The following IP6K1 variants were observed in gnomAD, a reference collection of about 807,000 sequenced individuals.
IP6K1 encodes the protein ATP:1D-myo-inositol-hexakisphosphate phosphotransferase.
In IP6K1, 13 loss-of-function variants were observed where a neutral mutation model predicts 38.3. The ratio of observed to expected loss-of-function variants is 0.34; its 90% confidence interval spans 0.22 to 0.54. The LOEUF (loss-of-function observed/expected upper bound fraction) is 0.54. IP6K1 is among the 20% of genes least tolerant of loss of function. IP6K1 has a pLI of 0.92. For missense variants in IP6K1, 397 were observed against 599.8 expected (o/e 0.66, Z 3.53); for synonymous variants, 212 against 229.9 (o/e 0.92, Z 0.70).
chr3:49,752,421 A>G (rs2080786121), intron 1 of IP6K1, among the ~76,000 whole-genome samples: 1 of 151,440 alleles, frequency 6.6e-6, no homozygotes, highest in African/African-American at 2.4e-5. Context: ...CCTGGGAGGC[A>G]GAGCTTGCAG....
At chr3:49,734,578 G>A (rs1452895036) in intron 3 of IP6K1, among the ~76,000 whole-genome samples, 1 of 151,860 alleles carries the variant, frequency 6.6e-6, no homozygotes, top group Non-Finnish European at 1.5e-5. Context: ...AGGGTCAGCT[G>A]TGCAACACTG....
chr3:49,737,814 G>A (rs2080626033), intron 3 of IP6K1, among the ~76,000 whole-genome samples: 1 of 152,194 alleles, frequency 6.6e-6, no homozygotes, highest in South Asian at 2.1e-4. Flanking sequence ...AACCATTAGG[G>A]AACTCCTGGT....
chr3:49,754,197 C>T (rs1178715057), intron 1 of IP6K1, among the ~76,000 whole-genome samples: 1 of 114,778 alleles, frequency 8.7e-6, no homozygotes, highest in East Asian at 4.2e-4. Flanking sequence ...CAAAACTTCA[C>T]TTTTACCAAA....
intron 1 of IP6K1, among the ~76,000 whole-genome samples, chr3:49,779,712 G>T (rs1007400023): frequency 1.3e-5 from 2 of 151,996 alleles, no homozygotes; most frequent in Non-Finnish European, 1.5e-5. Flanking sequence ...TAGAGACAGG[G>T]TCTTGCTCTG....
intron 1 of IP6K1, among the ~76,000 whole-genome samples, chr3:49,755,500 A>G (rs1461701731): frequency 6.6e-6 from 1 of 152,184 alleles, no homozygotes; most frequent in East Asian, 1.9e-4. Flanking sequence ...TTCTGGCAAC[A>G]GTATTTTTGG....
At chr3:49,773,479 C>T (rs181194813) in intron 1 of IP6K1, among the ~76,000 whole-genome samples, 6 of 152,196 alleles carry the variant, frequency 3.9e-5, no homozygotes, top group South Asian at 2.1e-4. Context: ...GGCGTGGTGG[C>T]GGGCGCCTGT....
intron 4 of IP6K1, 37 bp from the exon 5 acceptor site, chr3:49,728,315 C>T (rs1250746709): frequency 2.5e-6 from 4 of 1,597,192 alleles, no homozygotes; most frequent in Non-Finnish European, 8.6e-7. Context: ...ACCACACTCA[C>T]CATCAGCCCC....
At chr3:49,752,357 G>A (rs968194060) in intron 1 of IP6K1, among the ~76,000 whole-genome samples, 3 of 151,578 alleles carry the variant, frequency 2.0e-5, no homozygotes, top group Admixed American at 6.6e-5. Flanking sequence ...GTGTGGTGGC[G>A]GGCGCCTGTA....
chr3:49,754,597 T>G (rs747153579), intron 1 of IP6K1, among the ~76,000 whole-genome samples: 33 of 138,620 alleles, frequency 2.4e-4, no homozygotes, highest in African/African-American at 7.7e-4. Context: ...ATCATATGAG[T>G]TTTTTTTTGT....
rs202144754 is a variant in IP6K1, at chr3:49,743,241, TACACACACACACAC to T, written c.223+4563_223+4576del. On this transcript the variant is annotated intron_variant, in intron 2 of 5. Coordinates refer to ENST00000321599, the MANE Select transcript of IP6K1 (RefSeq NM_153273.4). ...TCTCAAAACAAAAACAAAAACAAAA[TACACACACACACAC>T]ACACACACACACACACACACACACA... is the stretch of plus-strand genomic sequence containing the variant. Among the ~76,000 whole-genome samples the T allele has an allele frequency of 6.6e-5, 9 of 137,196 alleles. No homozygotes were observed. In the South Asian group the frequency reaches 7.3e-4, roughly 11 times the overall value. 90.0% of individuals were successfully genotyped at this position (137,196 alleles called of 152,430 possible).
chr3:49,732,719 A>G, intron 4 of IP6K1, 72 bp downstream of exon 4: 1 of 1,293,566 alleles, frequency 7.7e-7, no homozygotes, highest in East Asian at 2.4e-5. Context: ...CCTCAGCCAT[A>G]GGCAGAATGG....
intron 4 of IP6K1, among the ~76,000 whole-genome samples, chr3:49,728,879 C>CA (rs2080537151): frequency 6.6e-6 from 1 of 151,890 alleles, no homozygotes; most frequent in South Asian, 2.1e-4. Context: ...CCAGCTAGAA[C>CA]TTTTTCATCT....
intron 1 of IP6K1, among the ~76,000 whole-genome samples, chr3:49,754,688 G>A (rs1009428615): frequency 6.6e-5 from 10 of 152,154 alleles, no homozygotes; most frequent in African/African-American, 2.2e-4. Context: ...AAAAGAGACT[G>A]CAATCAGATA....
chr3:49,744,401 CAAAAAAAAAAAAAAAAAAAA>C (rs56916226), intron 2 of IP6K1, among the ~76,000 whole-genome samples: 9 of 76,204 alleles, frequency 1.2e-4, no homozygotes, highest in African/African-American at 5.0e-4. Flanking sequence ...GACTCCGTCT[CAAAAAAAAAAAAAAAAAAAA>C]AAAAAAAGAA....
intron 1 of IP6K1, among the ~76,000 whole-genome samples, chr3:49,760,623 CAAA>C (rs56070382): frequency 0.3 from 30,441 of 100,062 alleles, 3,019 homozygotes; most frequent in South Asian, 0.36. Context: ...GACTTCGTCT[CAAA>C]AAAAAAAAAA....
intron 1 of IP6K1, chr3:49,785,705 T>G (rs2081107329): frequency 6.6e-6 from 1 of 152,076 alleles, no homozygotes; most frequent in Non-Finnish European, 1.5e-5. Flanking sequence ...ACATTACCAC[T>G]CTCCAAAAAG....
At chr3:49,779,097 A>T (rs1036072251) in intron 1 of IP6K1, among the ~76,000 whole-genome samples, 5 of 152,148 alleles carry the variant, frequency 3.3e-5, no homozygotes, top group Non-Finnish European at 7.3e-5. Flanking sequence ...TCAAAAAGAG[A>T]TTCCATACTC....
intron 2 of IP6K1, among the ~76,000 whole-genome samples, chr3:49,746,665 C>T (rs1358305953): frequency 6.8e-6 from 1 of 147,170 alleles, no homozygotes; most frequent in African/African-American, 2.5e-5. Context: ...CAGAGAGAAA[C>T]TCTCAAAAAA....
intron 2 of IP6K1, among the ~76,000 whole-genome samples, chr3:49,744,158 T>C (rs1378444371): frequency 6.6e-6 from 1 of 151,094 alleles, no homozygotes; most frequent in Non-Finnish European, 1.5e-5. Flanking sequence ...ATCCCAGCAC[T>C]TTGGGAGGCC....
Sources: allele counts gnomAD v4.1 joint callset (sites outside exome capture counted in the v4.1 genomes callset), GRCh38; gene constraint gnomAD v4.1.1; transcripts MANE v1.5; gene names NCBI Gene and HGNC (gene_info 2026-07-23, HGNC 2026-07-21).